TAMM41: variants seen among roughly 807,000 people sequenced by gnomAD.
The protein encoded by TAMM41 is phosphatidate cytidylyltransferase, mitochondrial.
A neutral mutation model predicts 44.1 loss-of-function variants in TAMM41; 36 were observed. That is an observed-to-expected ratio of 0.82 (90% CI 0.63 to 1.08). TAMM41 has a LOEUF of 1.08. Ranked by LOEUF, TAMM41 falls within the 50% of genes least tolerant of loss-of-function variation. TAMM41 has a pLI of 0.00. For missense variants in TAMM41, 417 were observed against 404.3 expected (o/e 1.03, Z -0.27); for synonymous variants, 164 against 153.1 (o/e 1.07, Z -0.53).
chr3:11,778,967 C>T, the TAMM41 span, among the ~76,000 whole-genome samples: 6 of 152,062 alleles, frequency 3.9e-5, no homozygotes, highest in Non-Finnish European at 7.4e-5. Flanking sequence ...ATGTCTGTCC[C>T]CTCCAAAGCT....
chr3:11,811,422 G>A (rs989126642), intron 5 of TAMM41: 17 of 152,290 alleles, frequency 1.1e-4, no homozygotes, highest in African/African-American at 3.8e-4. Context: ...CCAACGGCTT[G>A]AGTGACATAT....
chr3:11,813,557 A>G (rs2078158680), intron 5 of TAMM41, among the ~76,000 whole-genome samples: 4 of 152,096 alleles, frequency 2.6e-5, no homozygotes, highest in Non-Finnish European at 5.9e-5. Flanking sequence ...CAAAATAGCT[A>G]GGTCTTTGCC....
intron 4 of TAMM41, 121 bp downstream of exon 4, chr3:11,829,593 A>C (rs960445791): frequency 3.2e-5 from 38 of 1,180,696 alleles, no homozygotes; most frequent in Non-Finnish European, 4.3e-5. Flanking sequence ...GAACCACTCA[A>C]GAGTGACGTG....
the TAMM41 span, chr3:11,724,724 C>T: frequency 6.6e-6 from 1 of 152,402 alleles, no homozygotes; most frequent in Non-Finnish European, 1.5e-5. Context: ...GCATGAGCCA[C>T]CGCACCCAGC....
At chr3:11,841,601 T>A (rs545331494) in intron 2 of TAMM41, among the ~76,000 whole-genome samples, 38 of 152,342 alleles carry the variant, frequency 2.5e-4, no homozygotes, top group African/African-American at 8.9e-4. Context: ...TTACTGGAAC[T>A]TATAATATTC....
At chr3:11,726,455 G>C in the TAMM41 span, among the ~76,000 whole-genome samples, 1 of 152,236 alleles carries the variant, frequency 6.6e-6, no homozygotes, top group Non-Finnish European at 1.5e-5. Flanking sequence ...TTGAGGCTTA[G>C]TGACAAAGTG....
chr3:11,781,337 T>G, the TAMM41 span, among the ~76,000 whole-genome samples: 6 of 152,320 alleles, frequency 3.9e-5, no homozygotes, highest in African/African-American at 1.4e-4. Context: ...GTTTTGTTCT[T>G]CCTGATCTCA....
At chr3:11,837,564 A>G (rs2079237162) in intron 3 of TAMM41, among the ~76,000 whole-genome samples, 1 of 152,150 alleles carries the variant, frequency 6.6e-6, no homozygotes, top group African/African-American at 2.4e-5. Flanking sequence ...TGTGTCCCAA[A>G]AGAGCTAAGA....
the TAMM41 span, among the ~76,000 whole-genome samples, chr3:11,730,880 G>A: frequency 1.3e-5 from 2 of 152,272 alleles, no homozygotes; most frequent in Non-Finnish European, 1.5e-5. Flanking sequence ...GCTGGGGTTC[G>A]AATGTGAGCA....
At chr3:11,786,286 T>TTAATTTTATTATTA (rs1553564665), downstream of TAMM41, among the ~76,000 whole-genome samples, 122 of 138,852 alleles carry the variant, frequency 8.8e-4, 1 homozygote, top group Admixed American at 1.5e-3. Context: ...TTTATTTAAT[T>TTAATTTTATTATTA]TTATTATTAT....
At chr3:11,799,195 C>A (rs1378286681) in intron 7 of TAMM41, among the ~76,000 whole-genome samples, 4 of 151,538 alleles carry the variant, frequency 2.6e-5, no homozygotes, top group East Asian at 1.9e-4. Flanking sequence ...AAAACAAAAA[C>A]AAAAAAACAA....
chr3:11,748,319 A>G, the TAMM41 span, among the ~76,000 whole-genome samples: 16 of 151,636 alleles, frequency 1.1e-4, no homozygotes, highest in Non-Finnish European at 1.9e-4. Context: ...GTCTCGCTCT[A>G]TCACCCAGGC....
intron 1 of TAMM41, chr3:11,845,083 GC>G: frequency 2.3e-6 from 1 of 439,950 alleles, no homozygotes; most frequent in Non-Finnish European, 4.6e-6. Context: ...TCTGGAAGCT[GC>G]CGTCAGATAT....
At chr3:11,815,676 ATGTG>A (rs1406958350) in intron 5 of TAMM41, among the ~76,000 whole-genome samples, 6 of 152,166 alleles carry the variant, frequency 3.9e-5, no homozygotes, top group Non-Finnish European at 1.5e-5. Context: ...TGCTAAGTGC[ATGTG>A]TGTGAGTGTG....
chr3:11,824,362 T>A (rs1225053777), intron 4 of TAMM41, among the ~76,000 whole-genome samples: 1 of 148,726 alleles, frequency 6.7e-6, no homozygotes, highest in Non-Finnish European at 1.5e-5. Context: ...GGCTAATTTT[T>A]TTTTTTTTTT....
chr3:11,807,509 G>C (rs1238041873), intron 7 of TAMM41: 17 of 1,536,042 alleles, frequency 1.1e-5, no homozygotes, highest in Non-Finnish European at 1.3e-5. Flanking sequence ...GAGCACAGAT[G>C]CTGCTGTTTT....
At chr3:11,805,654 T>C (rs2077886699) in intron 7 of TAMM41, among the ~76,000 whole-genome samples, 1 of 152,188 alleles carries the variant, frequency 6.6e-6, no homozygotes, top group Non-Finnish European at 1.5e-5. Context: ...GCAGCTGGGC[T>C]ATGAGACACT....
chr3:11,747,842 T>C, the TAMM41 span, among the ~76,000 whole-genome samples: 2 of 151,434 alleles, frequency 1.3e-5, no homozygotes, highest in African/African-American at 4.9e-5. Flanking sequence ...ATGAGAAGTG[T>C]CTATTCAAGT....
chr3:11,757,925 G>A, the TAMM41 span, among the ~76,000 whole-genome samples: 1 of 152,166 alleles, frequency 6.6e-6, no homozygotes, highest in Admixed American at 6.5e-5. Context: ...AGTCCAGCAG[G>A]GTAGGGGGAC....
Sources: allele counts gnomAD v4.1 joint callset (sites outside exome capture counted in the v4.1 genomes callset), GRCh38; gene constraint gnomAD v4.1.1; transcripts MANE v1.5; gene names NCBI Gene and HGNC (gene_info 2026-07-23, HGNC 2026-07-21).